The following PRMT7 variants were observed in gnomAD, a reference collection of about 807,000 sequenced individuals.
PRMT7 encodes the protein protein arginine N-methyltransferase 7.
In PRMT7, 75 loss-of-function variants were observed where a neutral mutation model predicts 85.4. That is an observed-to-expected ratio of 0.88 (90% CI 0.73 to 1.06). The LOEUF (loss-of-function observed/expected upper bound fraction) is 1.06, where lower values mean the gene tolerates loss of function less well. PRMT7 is among the 50% of genes least tolerant of loss of function. The pLI is 0.00. For missense variants in PRMT7, 868 were observed against 915.2 expected, an observed-to-expected ratio of 0.95 and a Z score of 0.67; for synonymous variants, 397 against 359.5, an observed-to-expected ratio of 1.10 and a Z score of -1.18.
Position 68,357,060 on chromosome 16 carries a change from T to C in PRMT7, c.1915T>C (p.Cys639Arg), listed in dbSNP as rs138108105. 1.4e-4 allele frequency: 227 copies of C among 1,607,012 alleles called. No homozygotes were observed. Among genetic ancestry groups the C allele is most frequent in the Non-Finnish European group, 1.6e-5 (19 of 1,176,456 alleles). ...LLEPADPEGG[C>R]CWNPHCKQAV... The stretch of plus-strand genomic sequence containing the variant: ...CCTGCTCTTCTTCCTACAGGGGGGC[T>C]GCTGCTGGAACCCCCACTGCAAGCA... Residue 639 changes from cysteine (C) to arginine (R), a missense_variant, in exon 19 of 19, where the codon TGC becomes CGC. Physicochemically the swap from Cys to Arg is radical, Grantham distance 180. Transcript: ENST00000441236.
intron 12 of PRMT7, 152 bp from the exon 13 acceptor site, chr16:68,347,479 C>A: frequency 9.9e-7 from 1 of 1,005,968 alleles, no homozygotes; most frequent in Non-Finnish European, 1.5e-6. Context: ...GGCCTCAGAG[C>A]TGGTGTTCAG....
Position 68,352,329 on chromosome 16 carries a change from G to A in PRMT7, c.1495G>A (p.Ala499Thr), listed in dbSNP as rs376022174. The change falls in exon 15 of 19, where the codon GCT becomes ACT. Residue 499 changes from alanine to threonine, a missense_variant. Ala to Thr is a moderately conservative substitution (Grantham distance 58). Coordinates refer to ENST00000441236, the MANE Select transcript of PRMT7 (RefSeq NM_019023.5). ...CCTCTACTTCTGGTACGTGCGGACCGCTGTGGACCAGCACCTGGGGCCAGG... is the reference window on the plus strand; with the variant it reads ...CCTCTACTTCTGGTACGTGCGGACCACTGTGGACCAGCACCTGGGGCCAGG... ...HNLYFWYVRT[A>T]VDQHLGPGAM... The A allele has an allele frequency of 5.6e-6, 9 of 1,612,548 alleles. No homozygotes were observed. Among genetic ancestry groups the A allele is most frequent in the African/African-American group, 2.7e-5 (2 of 74,930 alleles).
intron 6 of PRMT7, among the ~76,000 whole-genome samples, chr16:68,336,170 A>G (rs2084662235): frequency 6.6e-6 from 1 of 152,176 alleles, no homozygotes; most frequent in South Asian, 2.1e-4. Context: ...TCAGATTATA[A>G]TTCATGAGGC....
chr16:68,357,300 G>T lies in PRMT7; in HGVS notation c.*76G>T. The stretch of plus-strand genomic sequence containing the variant: ...TGGCTTTCTAGCGGGGAAGGCTGAA[G>T]GCCCTCCTCTCCTCTCTGGGAGCTG... On this transcript the variant is annotated 3_prime_UTR_variant, in exon 19 of 19. Transcript: ENST00000441236. The T allele has an allele frequency of 7.0e-7, 1 of 1,437,632 alleles. No individual in the cohort carries two copies. 89.1% of individuals were successfully genotyped at this position (1,437,632 alleles called of 1,614,324 possible).
At chr16:68,354,123 A>G (rs1168822117) in intron 16 of PRMT7, among the ~76,000 whole-genome samples, 1 of 152,126 alleles carries the variant, frequency 6.6e-6, no homozygotes, top group Non-Finnish European at 1.5e-5. Flanking sequence ...CCTGCTTGTC[A>G]TCCCAGCACT....
intron 9 of PRMT7, among the ~76,000 whole-genome samples, chr16:68,341,798 C>T (rs998214742): frequency 1.3e-5 from 2 of 152,212 alleles, no homozygotes; most frequent in Non-Finnish European, 2.9e-5. Flanking sequence ...CCCGAAAAGA[C>T]ATTTCAAAGG....
At chr16:68,355,580 G>T in intron 16 of PRMT7, 143 bp from the exon 17 acceptor site, 1 of 842,894 alleles carries the variant, frequency 1.2e-6, no homozygotes, top group Non-Finnish European at 1.6e-6. Context: ...AGGGGGCGCC[G>T]CTGGTCTGCT....
intron 9 of PRMT7, 41 bp downstream of exon 9, chr16:68,340,009 T>G: frequency 2.0e-6 from 3 of 1,536,204 alleles, no homozygotes; most frequent in Non-Finnish European, 2.6e-6. Context: ...TCAGGAAACT[T>G]GTCCACTGCT....
intron 7 of PRMT7, 138 bp from the exon 8 acceptor site, chr16:68,339,184 C>T (rs2085151185): frequency 9.0e-7 from 1 of 1,113,504 alleles, no homozygotes; most frequent in African/African-American, 1.6e-5. Context: ...GAAAACAGTT[C>T]ACTATTCTAA....
At chr16:68,328,098 G>T (rs1379526998) in intron 5 of PRMT7, 2 of 295,448 alleles carry the variant, frequency 6.8e-6, no homozygotes, top group Non-Finnish European at 7.4e-6. Flanking sequence ...ATTAAACCTG[G>T]TCATAGGTAA....
chr16:68,358,451 A>C lies in PRMT7; in HGVS notation c.*1227A>C, dbSNP rs2088967299. The C allele has an allele frequency of 6.5e-6, 1 of 152,708 alleles. No individual in the cohort carries two copies. The highest frequency in any genetic ancestry group is 2.1e-4 in the South Asian group (1 of 4,836). 9.5% of individuals were successfully genotyped at this position (152,708 alleles called of 1,614,324 possible). A position where few individuals can be genotyped will look rare whatever the true frequency, so the allele number is the denominator to read the frequency against. On this transcript the variant is annotated 3_prime_UTR_variant, in exon 19 of 19. Transcript: ENST00000441236. ...TAAAGACTTGTTTTTCTTCTAGGGAAGAACCGTCTGGATATATATTTGATA... is the reference window on the plus strand; with the variant it reads ...TAAAGACTTGTTTTTCTTCTAGGGACGAACCGTCTGGATATATATTTGATA...
intron 3 of PRMT7, among the ~76,000 whole-genome samples, chr16:68,320,795 T>G (rs1235530064): frequency 2.0e-5 from 3 of 152,146 alleles, no homozygotes; most frequent in Admixed American, 1.3e-4. Flanking sequence ...AATAACAGCT[T>G]GAAACTCTAT....
intron 4 of PRMT7, among the ~76,000 whole-genome samples, chr16:68,322,633 C>A (rs2082630582): frequency 6.6e-6 from 1 of 152,086 alleles, no homozygotes; most frequent in Non-Finnish European, 1.5e-5. Context: ...AAAACTGGGT[C>A]ATTAAAAAGT....
Position 68,321,277 on chromosome 16 carries a change from AAAAAT to A in PRMT7, c.96-145_96-141del. On this transcript the variant is annotated intron_variant, in intron 3 of 18. Transcript: ENST00000441236. ...GGGTGAGACCCTGTCTCAAAAAAAA[AAAAAT>A]AAATAAAGATAAAAGACAACCAAAA... 6.8e-6 allele frequency: 4 copies of A among 591,800 alleles called. No individual in the cohort carries two copies. The South Asian group carries it at 8.6e-5, about 13-fold the overall frequency. The allele number at this position is 591,800 out of a possible 1,614,324, so 36.7% of individuals were successfully genotyped here.
intron 14 of PRMT7, among the ~76,000 whole-genome samples, chr16:68,349,258 G>GCACTCTCCCCGTGT (rs2086901722): frequency 6.6e-6 from 1 of 152,036 alleles, no homozygotes; most frequent in Admixed American, 6.6e-5. Context: ...CTGCTCCGTG[G>GCACTCTCCCCGTGT]CACTCTCCCC....
At chr16:68,313,815 A>G (rs1464813095) in intron 2 of PRMT7, among the ~76,000 whole-genome samples, 1 of 152,248 alleles carries the variant, frequency 6.6e-6, no homozygotes, top group Non-Finnish European at 1.5e-5. Context: ...GCATGCCGGT[A>G]GTCTAGCTAC....
At chr16:68,320,566 G>T (rs961084636) in intron 3 of PRMT7, among the ~76,000 whole-genome samples, 2 of 152,206 alleles carry the variant, frequency 1.3e-5, no homozygotes, top group Non-Finnish European at 1.5e-5. Flanking sequence ...CCCTGGGTGG[G>T]CCAGGTATTC....
Position 68,347,200 on chromosome 16 carries a change from G to A in PRMT7, c.1192-11G>A, listed in dbSNP as rs888123568. 6.4e-7 allele frequency: 1 copy of A among 1,551,276 alleles called. No individual in the cohort carries two copies. The highest frequency in any genetic ancestry group is 2.0e-5 in the Admixed American group (1 of 50,964). On this transcript the variant is annotated splice_polypyrimidine_tract_variant and intron_variant, in intron 11 of 18. Transcript: ENST00000441236. ...AGGAAGCCCTGTGCTGAGCTTGCCT[G>A]TTCCCCGCAGGTGCTGAAGCCAGAC... is the stretch of plus-strand genomic sequence containing the variant.
intron 1 of PRMT7, 100 bp from the exon 2 acceptor site, chr16:68,311,941 AG>A (rs2043805038): frequency 6.6e-6 from 1 of 152,146 alleles, no homozygotes. Context: ...TTGGAGGGCA[AG>A]GGTCTTCTCT....
Sources: allele counts gnomAD v4.1 joint callset (sites outside exome capture counted in the v4.1 genomes callset), GRCh38; gene constraint gnomAD v4.1.1; transcripts MANE v1.5; gene names NCBI Gene and HGNC (gene_info 2026-07-23, HGNC 2026-07-21).